The following MEGF11 variants were observed in gnomAD, a reference collection of about 807,000 sequenced individuals.
MEGF11 encodes multiple epidermal growth factor-like domains protein 11.
In MEGF11, 126 loss-of-function variants were observed where a neutral mutation model predicts 146.6. The ratio of observed to expected loss-of-function variants is 0.86; its 90% confidence interval spans 0.74 to 1.00. MEGF11 has a LOEUF of 1.00. Among genes scored for constraint, MEGF11 ranks in the 50% least tolerant of loss-of-function variants. The pLI is 0.00. For synonymous variants in MEGF11, 532 were observed against 583.4 expected, an observed-to-expected ratio of 0.91 and a Z score of 1.27; for missense variants, 1,509 against 1,521.2, an observed-to-expected ratio of 0.99 and a Z score of 0.13.
intron 5 of MEGF11, among the ~76,000 whole-genome samples, chr15:66,065,125 G>A (rs553621610): frequency 1.3e-5 from 2 of 152,182 alleles, no homozygotes; most frequent in Admixed American, 6.5e-5. Flanking sequence ...TGCCACGGGT[G>A]GGGCAGGAGG....
chr15:66,116,636 G>A (rs148707385), intron 4 of MEGF11, among the ~76,000 whole-genome samples: 62 of 152,298 alleles, frequency 4.1e-4, no homozygotes, highest in African/African-American at 1.4e-3. Flanking sequence ...TGAACCCAAT[G>A]AACCCATGAA....
At chr15:66,237,217 T>C (rs2092114418) in intron 1 of MEGF11, among the ~76,000 whole-genome samples, 1 of 152,112 alleles carries the variant, frequency 6.6e-6, no homozygotes, top group Non-Finnish European at 1.5e-5. Flanking sequence ...ATGAAGAAAC[T>C]CCCAGATGGA....
chr15:66,097,242 G>A (rs551668699), intron 4 of MEGF11, among the ~76,000 whole-genome samples: 1 of 152,332 alleles, frequency 6.6e-6, no homozygotes, highest in South Asian at 2.1e-4. Context: ...TTGGGCCACC[G>A]CGTGTTTGGA....
At chr15:65,987,367 T>C (rs1167678503) in intron 5 of MEGF11, among the ~76,000 whole-genome samples, 1 of 152,196 alleles carries the variant, frequency 6.6e-6, no homozygotes, top group Non-Finnish European at 1.5e-5. Context: ...TTTCCACAAG[T>C]GCCTTATTCA....
chr15:66,005,214 C>T (rs2082483919), intron 5 of MEGF11, among the ~76,000 whole-genome samples: 1 of 152,230 alleles, frequency 6.6e-6, no homozygotes, highest in South Asian at 2.1e-4. Flanking sequence ...CCCACCTCCA[C>T]TTTCTGCTAG....
intron 5 of MEGF11, among the ~76,000 whole-genome samples, chr15:66,088,452 G>A (rs117259336): frequency 6.6e-6 from 1 of 152,320 alleles, no homozygotes; most frequent in East Asian, 1.9e-4. Flanking sequence ...AGGAGTTCAA[G>A]GTCAGCTTGG....
chr15:65,963,592 G>C (rs1483579439), intron 9 of MEGF11, among the ~76,000 whole-genome samples: 1 of 152,208 alleles, frequency 6.6e-6, no homozygotes, highest in Non-Finnish European at 1.5e-5. Context: ...TGTATTTGAA[G>C]AAATACGGTA....
intron 1 of MEGF11, among the ~76,000 whole-genome samples, chr15:66,128,937 A>G (rs1177232225): frequency 6.6e-6 from 1 of 152,174 alleles, no homozygotes; most frequent in Non-Finnish European, 1.5e-5. Context: ...CTGGGCCCAC[A>G]AGCCATGGAA....
intron 1 of MEGF11, among the ~76,000 whole-genome samples, chr15:66,243,612 C>G (rs2092251832): frequency 6.6e-6 from 1 of 152,174 alleles, no homozygotes; most frequent in Non-Finnish European, 1.5e-5. Context: ...GACTCCCTTT[C>G]CAAATTAATA....
chr15:66,017,058 G>C (rs1365606589), intron 5 of MEGF11, among the ~76,000 whole-genome samples: 1 of 152,218 alleles, frequency 6.6e-6, no homozygotes, highest in Non-Finnish European at 1.5e-5. Context: ...TCCTTCCCAA[G>C]TTAAGTCATG....
chr15:66,031,144 A>G, intron 5 of MEGF11, among the ~76,000 whole-genome samples: 1 of 152,148 alleles, frequency 6.6e-6, no homozygotes, highest in Admixed American at 6.5e-5. Context: ...ATGTCTTAGA[A>G]GCCTCTTTTG....
chr15:65,897,629 A>AT lies in MEGF11; in HGVS notation c.*304_*305insA, dbSNP rs1555448983. The AT allele has an allele frequency of 0.062, 11,062 of 178,836 alleles. 462 individuals are homozygous for AT. Among genetic ancestry groups the AT allele is most frequent in the Non-Finnish European group, 0.089 (7,694 of 86,280 alleles). The allele number at this position is 178,836 out of a possible 1,614,324, so 11.1% of individuals were successfully genotyped here. ...TTTTTAAAATATCACGTTTCAGATA[A>AT]ATATATATATATATATCAGCTATAT... On this transcript the variant is annotated 3_prime_UTR_variant, in exon 26 of 26. Transcript: ENST00000395614.
At chr15:65,932,625 G>A (rs997140167) in intron 10 of MEGF11, among the ~76,000 whole-genome samples, 2 of 152,052 alleles carry the variant, frequency 1.3e-5, no homozygotes, top group Admixed American at 6.6e-5. Flanking sequence ...TGGCTGAAGG[G>A]AGGAGTGAAG....
At chr15:66,147,504 C>T (rs576979546) in intron 1 of MEGF11, among the ~76,000 whole-genome samples, 1 of 152,340 alleles carries the variant, frequency 6.6e-6, no homozygotes, top group South Asian at 2.1e-4. Context: ...ACTTCAAGGC[C>T]ATTGCCACGG....
chr15:66,239,701 G>A lies in MEGF11; in HGVS notation c.-9+13904C>T, dbSNP rs145902385. Among the ~76,000 whole-genome samples the A allele has an allele frequency of 9.2e-5, 14 of 152,234 alleles. No individual in the cohort carries two copies. In the East Asian group the frequency reaches 1.5e-3, roughly 17 times the overall value. On this transcript the variant is annotated intron_variant, in intron 1 of 25. Transcript: ENST00000395614. Reference sequence around the variant, plus strand: ...CTCCTCAGAAGCCAGAGCAGCTTCCGTACCAGGGTCCACCCACCGGTCATG... The same window carrying A: ...CTCCTCAGAAGCCAGAGCAGCTTCCATACCAGGGTCCACCCACCGGTCATG...
At chr15:66,164,222 G>A (rs1275467560) in intron 1 of MEGF11, among the ~76,000 whole-genome samples, 1 of 151,984 alleles carries the variant, frequency 6.6e-6, no homozygotes, top group Non-Finnish European at 1.5e-5. Context: ...AGAGAGGTCT[G>A]ATGGCAGAAG....
At chr15:66,178,760 C>A (rs2090460132) in intron 1 of MEGF11, among the ~76,000 whole-genome samples, 1 of 152,086 alleles carries the variant, frequency 6.6e-6, no homozygotes, top group Admixed American at 6.5e-5. Flanking sequence ...CAACCCCTTG[C>A]CTGTCTGAAA....
Position 66,105,223 on chromosome 15 carries a change from C to G in MEGF11, c.302-10729G>C, listed in dbSNP as rs555146375. Among the ~76,000 whole-genome samples, 18 of 152,264 alleles carry G rather than the reference C, an allele frequency of 1.2e-4. No homozygotes were observed. In the South Asian group the frequency reaches 3.1e-3, roughly 26 times the overall value. ...ACAGGGCTCGTCCTAGTGCTTGCAC[C>G]TGCTCCTTGATTCTAGGGTCCAGAT... is the stretch of plus-strand genomic sequence containing the variant. On this transcript the variant is annotated intron_variant, in intron 4 of 25. Transcript: ENST00000395614.
chr15:66,251,349 A>C (rs751166997), intron 1 of MEGF11, among the ~76,000 whole-genome samples: 1 of 152,122 alleles, frequency 6.6e-6, no homozygotes, highest in South Asian at 2.1e-4. Flanking sequence ...GCCCCTCCCG[A>C]AGTGATTTCA....
Sources: allele counts gnomAD v4.1 joint callset (sites outside exome capture counted in the v4.1 genomes callset), GRCh38; gene constraint gnomAD v4.1.1; transcripts MANE v1.5; gene names NCBI Gene and HGNC (gene_info 2026-07-23, HGNC 2026-07-21).